GTF3C5: variants seen among roughly 807,000 people sequenced by gnomAD.
GTF3C5 encodes general transcription factor IIIC subunit 5, also known as general transcription factor 3C polypeptide 5.
Under a neutral mutation model 61.0 loss-of-function variants are expected in GTF3C5, and 47 were observed. The observed-to-expected ratio is 0.77, with a 90% CI of 0.61 to 0.98. The LOEUF is 0.98. Ranked by LOEUF, GTF3C5 falls within the 50% of genes least tolerant of loss-of-function variation. The pLI is 0.00. For missense variants in GTF3C5, 659 were observed against 703.3 expected, an observed-to-expected ratio of 0.94 and a Z score of 0.71; for synonymous variants, 295 against 275.4, an observed-to-expected ratio of 1.07 and a Z score of -0.71.
chr9:133,043,458 C>T (rs777506309), intron 2 of GTF3C5, among the ~76,000 whole-genome samples: 2 of 152,220 alleles, frequency 1.3e-5, no homozygotes, highest in African/African-American at 4.8e-5. Flanking sequence ...TTAAAAGTAA[C>T]ATTCATCTAA....
rs1383496676 is a variant in GTF3C5, at chr9:133,050,988, G to A, written c.768+10G>A. On this transcript the variant is annotated intron_variant, in intron 4 of 10. Transcript: ENST00000372097. ...GGAGGAGCTGAGGAAGGCAAGTCCT[G>A]CGCTGCGCCTGGCCCCGGTGGCTCC... The A allele has an allele frequency of 6.3e-7, 1 of 1,583,596 alleles. No homozygotes were observed. Among genetic ancestry groups the A allele is most frequent in the Non-Finnish European group, 8.6e-7 (1 of 1,165,036 alleles).
chr9:133,053,968 C>G, intron 6 of GTF3C5, 26 bp downstream of exon 6: 2 of 1,323,880 alleles, frequency 1.5e-6, no homozygotes, highest in African/African-American at 1.4e-5. Flanking sequence ...AGCTTTGCTT[C>G]CTGCCTTTCT....
intron 3 of GTF3C5, 89 bp downstream of exon 3, chr9:133,044,015 C>G: frequency 1.1e-6 from 1 of 921,644 alleles, no homozygotes; most frequent in Non-Finnish European, 1.7e-6. Flanking sequence ...CGTGGTGGTG[C>G]ACACCTGTAA....
At chr9:133,036,687 C>A (rs2118976460) in intron 1 of GTF3C5, among the ~76,000 whole-genome samples, 1 of 152,218 alleles carries the variant, frequency 6.6e-6, no homozygotes, top group East Asian at 1.9e-4. Context: ...GAGGGTCAGG[C>A]TTTTCTTGGG....
intron 3 of GTF3C5, among the ~76,000 whole-genome samples, chr9:133,050,311 G>A (rs1359871124): frequency 1.3e-5 from 2 of 152,256 alleles, no homozygotes; most frequent in African/African-American, 4.8e-5. Flanking sequence ...GTAAGCAGAT[G>A]TGAGTGAGTG....
Position 133,043,835 on chromosome 9 carries a change from C to T in GTF3C5, c.481C>T (p.His161Tyr). 6.2e-7 allele frequency: 1 copy of T among 1,614,062 alleles called. No homozygotes were observed. The change falls in exon 3 of 11, where the codon CAC (histidine) becomes TAC (tyrosine). Residue 161 changes from histidine (H) to tyrosine (Y), a missense_variant. By Grantham distance (83) the His-to-Tyr change is moderately conservative. Coordinates refer to ENST00000372097, the MANE Select transcript of GTF3C5 (RefSeq NM_012087.4). ...MLRPEKEAFF[H>Y]QELPLYIPPP... ...CCGGCCCGAGAAGGAGGCCTTTTTC[C>T]ACCAGGAGCTGCCGCTCTACATCCC...
At chr9:133,056,155 G>A (rs115755986) in intron 9 of GTF3C5, 61 bp downstream of exon 9, 20 of 1,432,126 alleles carry the variant, frequency 1.4e-5, no homozygotes, top group East Asian at 1.4e-4. Context: ...GGACCAAAGC[G>A]GTCTCTGAAC....
Position 133,053,916 on chromosome 9 carries a change from T to G in GTF3C5, c.962T>G (p.Phe321Cys). The G allele has an allele frequency of 6.2e-7, 1 of 1,611,966 alleles. No homozygotes were observed. The highest frequency in any genetic ancestry group is 2.2e-5 in the East Asian group (1 of 44,840). ...PDAKIYQVLD[F>C]RIRCGMKHGY... ...GCCAAGATTTATCAAGTCCTCGATT[T>G]CCGAATCCGTTGTGGAATGAAACAC... The change falls in exon 6 of 11, where the codon TTC becomes TGC. Residue 321 changes from phenylalanine (F) to cysteine (C), a missense_variant. Phe to Cys is a radical substitution (Grantham distance 205). Transcript: ENST00000372097.
intron 3 of GTF3C5, among the ~76,000 whole-genome samples, chr9:133,048,635 C>T (rs1427978541): frequency 6.6e-6 from 1 of 152,210 alleles, no homozygotes; most frequent in Non-Finnish European, 1.5e-5. Flanking sequence ...TGCCATTGCA[C>T]TCCAGCCTGG....
intron 3 of GTF3C5, among the ~76,000 whole-genome samples, chr9:133,045,734 T>TA (rs1163335008): frequency 6.6e-6 from 1 of 152,180 alleles, no homozygotes; most frequent in Non-Finnish European, 1.5e-5. Context: ...CTTCCTGGGT[T>TA]AAAACAATTC....
At chr9:133,038,310 G>A (rs1364726800) in intron 1 of GTF3C5, among the ~76,000 whole-genome samples, 1 of 152,152 alleles carries the variant, frequency 6.6e-6, no homozygotes, top group Non-Finnish European at 1.5e-5. Context: ...CTACCCGGGC[G>A]TGTGGTTTCC....
chr9:133,042,465 C>T (rs1413407934), intron 2 of GTF3C5, among the ~76,000 whole-genome samples, 159 bp downstream of exon 2: 1 of 152,240 alleles, frequency 6.6e-6, no homozygotes, highest in East Asian at 1.9e-4. Flanking sequence ...CAGGAGGCAG[C>T]CTTTCTTCCC....
At chr9:133,039,013 G>A (rs1225779722) in intron 1 of GTF3C5, among the ~76,000 whole-genome samples, 2 of 152,214 alleles carry the variant, frequency 1.3e-5, no homozygotes, top group Non-Finnish European at 1.5e-5. Flanking sequence ...GCCTTACTTA[G>A]AGTCCGTCCT....
intron 5 of GTF3C5, among the ~76,000 whole-genome samples, chr9:133,053,432 A>G (rs557215549): frequency 6.6e-6 from 1 of 152,274 alleles, no homozygotes; most frequent in East Asian, 1.9e-4. Flanking sequence ...AAAAAAATTA[A>G]AAATTAGCTG....
At chr9:133,039,415 A>AT (rs1191652187) in intron 1 of GTF3C5, among the ~76,000 whole-genome samples, 13 of 151,728 alleles carry the variant, frequency 8.6e-5, no homozygotes, top group Admixed American at 8.5e-4. Flanking sequence ...TTATTTTTTT[A>AT]TTTTTTGAGA....
At chr9:133,049,289 C>G (rs911344872) in intron 3 of GTF3C5, among the ~76,000 whole-genome samples, 1 of 152,220 alleles carries the variant, frequency 6.6e-6, no homozygotes, top group Non-Finnish European at 1.5e-5. Flanking sequence ...AGGTGACCAC[C>G]CGGTTTTCCT....
intron 3 of GTF3C5, 143 bp from the exon 4 acceptor site, chr9:133,050,640 T>C (rs2119019091): frequency 1.7e-6 from 1 of 602,706 alleles, no homozygotes. Context: ...AACTCTGGGG[T>C]CCTTTCCCAG....
chr9:133,040,685 A>T (rs1850011630), intron 1 of GTF3C5, among the ~76,000 whole-genome samples: 1 of 152,154 alleles, frequency 6.6e-6, no homozygotes, highest in East Asian at 1.9e-4. Context: ...TATGAGACTA[A>T]ATACCAAGAC....
At chr9:133,035,311 C>T (rs770773829) in intron 1 of GTF3C5, among the ~76,000 whole-genome samples, 21 of 152,178 alleles carry the variant, frequency 1.4e-4, no homozygotes, top group Non-Finnish European at 2.8e-4. Flanking sequence ...GGGGGCATTT[C>T]GGTGTAATCA....
Sources: gnomAD v4.1 joint callset for allele counts (sites outside exome capture counted in the v4.1 genomes callset) on GRCh38, gnomAD v4.1.1 for gene constraint, MANE v1.5 for transcripts, NCBI Gene and HGNC (gene_info 2026-07-23, HGNC 2026-07-21) for gene names.